The following ANKS1B variants were observed in gnomAD, a reference collection of about 807,000 sequenced individuals.
ANKS1B encodes ankyrin repeat and sterile alpha motif domain-containing protein 1B.
ANKS1B carries 36 observed loss-of-function variants against 148.3 expected under a neutral mutation model. The ratio of observed to expected loss-of-function variants is 0.24; its 90% CI spans 0.19 to 0.32. The LOEUF (loss-of-function observed/expected upper bound fraction) is 0.32. ANKS1B is among the 10% of genes least tolerant of loss of function. ANKS1B has a pLI of 1.00. For synonymous variants in ANKS1B, 542 were observed against 560.8 expected (o/e 0.97, Z 0.47); for missense variants, 1,157 against 1,542.6 (o/e 0.75, Z 4.19).
At chr12:99,270,048 C>A (rs923365457) in intron 12 of ANKS1B, among the ~76,000 whole-genome samples, 1 of 151,790 alleles carries the variant, frequency 6.6e-6, no homozygotes. Context: ...AAAAATTTAA[C>A]AAACAGAGTC....
intron 10 of ANKS1B, among the ~76,000 whole-genome samples, chr12:99,445,449 A>T (rs963727551): frequency 6.6e-6 from 1 of 152,006 alleles, no homozygotes; most frequent in Non-Finnish European, 1.5e-5. Flanking sequence ...ATCATTATAT[A>T]TTTGTCCAAC....
At chr12:98,799,761 G>A (rs182378228) in intron 21 of ANKS1B, among the ~76,000 whole-genome samples, 1 of 152,224 alleles carries the variant, frequency 6.6e-6, no homozygotes, top group Non-Finnish European at 1.5e-5. Flanking sequence ...TAAACAAAAT[G>A]TCTGATTTGC....
chr12:99,572,151 G>T (rs1347178053), intron 9 of ANKS1B, among the ~76,000 whole-genome samples: 6 of 152,020 alleles, frequency 3.9e-5, no homozygotes, highest in Admixed American at 3.9e-4. Context: ...CTCTCTGTAA[G>T]ATGGAGGTCC....
intron 12 of ANKS1B, among the ~76,000 whole-genome samples, chr12:99,348,195 C>T (rs1243700813): frequency 6.6e-6 from 1 of 151,800 alleles, no homozygotes; most frequent in Non-Finnish European, 1.5e-5. Flanking sequence ...CCTCAGCAAC[C>T]TTTGGGATAT....
At chr12:98,976,241 G>C (rs1434985848) in intron 17 of ANKS1B, among the ~76,000 whole-genome samples, 2 of 152,260 alleles carry the variant, frequency 1.3e-5, no homozygotes, top group Non-Finnish European at 2.9e-5. Context: ...GGGGAGATAG[G>C]GTGGACACTG....
chr12:99,377,967 A>C (rs535465845), intron 12 of ANKS1B, among the ~76,000 whole-genome samples: 3 of 152,342 alleles, frequency 2.0e-5, no homozygotes, highest in East Asian at 1.9e-4. Context: ...TATAGATGGA[A>C]TACTCAGGCC....
intron 14 of ANKS1B, among the ~76,000 whole-genome samples, chr12:99,172,780 G>C (rs1388176107): frequency 6.6e-6 from 1 of 152,128 alleles, no homozygotes; most frequent in Non-Finnish European, 1.5e-5. Flanking sequence ...AAAGATGATA[G>C]CTGAGAGGAT....
In ANKS1B at chr12:98,781,149, T is replaced by C; in HGVS notation, c.3409A>G (p.Lys1137Glu). Residue 1137 changes from lysine to glutamate, a missense_variant, in exon 24 of 27, where the codon AAA (lysine) becomes GAA (glutamate). Coordinates refer to ENST00000683438, the MANE Select transcript of ANKS1B (RefSeq NM_001352186.2). ...GTTGCATCAATAAATTTGACTCCTT[T>C]ATATGAGACAGAAAGAATAATAGTA... is the stretch of plus-strand genomic sequence containing the variant. Reference protein sequence around the residue: ...VPTIILSVSYKGVKFIDATNK... With the variant: ...VPTIILSVSYEGVKFIDATNK... The C allele has an allele frequency of 6.3e-7, 1 of 1,584,478 alleles. No individual in the cohort carries two copies. Among genetic ancestry groups the C allele is most frequent in the Non-Finnish European group, 8.6e-7 (1 of 1,163,314 alleles).
rs563812821 is a variant in ANKS1B at position 99,462,751 on chromosome 12, G to A, written c.1439-18942C>T. On this transcript the variant is annotated intron_variant, in intron 10 of 26. Coordinates refer to ENST00000683438, the MANE Select transcript of ANKS1B (RefSeq NM_001352186.2). ...CCACTGTTGGAGATGGGCATACTGG[G>A]AGGTGTTTGCATTATGGGAATGGAT... Among the ~76,000 whole-genome samples the A allele has an allele frequency of 1.0e-3, 153 of 152,284 alleles. 1 individual carries two copies. Among genetic ancestry groups the A allele is most frequent in the Non-Finnish European group, 8.8e-5 (6 of 68,006 alleles).
At chr12:98,991,592 C>T (rs919710567) in intron 17 of ANKS1B, among the ~76,000 whole-genome samples, 1 of 152,152 alleles carries the variant, frequency 6.6e-6, no homozygotes, top group Non-Finnish European at 1.5e-5. Flanking sequence ...TAGTAACTAA[C>T]AGTTTTTCAT....
At chr12:99,724,680 A>G (rs2133879) in intron 8 of ANKS1B, among the ~76,000 whole-genome samples, 66,181 of 151,790 alleles carry the variant, frequency 0.44, 14,824 homozygotes, top group South Asian at 0.61. Context: ...TCCATGAGAC[A>G]ATCAACCCCA....
intron 1 of ANKS1B, among the ~76,000 whole-genome samples, chr12:99,981,913 T>C (rs1433810634): frequency 6.6e-6 from 1 of 152,140 alleles, no homozygotes; most frequent in Non-Finnish European, 1.5e-5. Flanking sequence ...GGGGACACAT[T>C]TTCCATTATC....
chr12:99,703,568 A>C (rs4986686), intron 8 of ANKS1B, among the ~76,000 whole-genome samples: 28,779 of 151,656 alleles, frequency 0.19, 3,212 homozygotes, highest in East Asian at 0.47. Flanking sequence ...CTCCTTATTC[A>C]TGTGTCATAA....
intron 1 of ANKS1B, among the ~76,000 whole-genome samples, chr12:99,890,134 TATAATAG>T (rs1448103773): frequency 6.6e-6 from 1 of 152,190 alleles, no homozygotes; most frequent in East Asian, 1.9e-4. Flanking sequence ...GAGAGATAAT[TATAATAG>T]ATACCGTGAT....
chr12:99,649,358 T>C (rs2153433756), intron 9 of ANKS1B: 1 of 1,614,152 alleles, frequency 6.2e-7, no homozygotes, highest in Non-Finnish European at 8.5e-7. Flanking sequence ...AATGCTGAAA[T>C]GTTTGGGTCC....
chr12:99,210,614 C>T (rs1414320056), intron 14 of ANKS1B, among the ~76,000 whole-genome samples: 6 of 152,196 alleles, frequency 3.9e-5, no homozygotes, highest in African/African-American at 1.4e-4. Context: ...CATGTTTTTA[C>T]TCCCTGCCTT....
At chr12:98,774,461 C>G (rs1242858398) in intron 24 of ANKS1B, among the ~76,000 whole-genome samples, 4 of 152,214 alleles carry the variant, frequency 2.6e-5, no homozygotes, top group African/African-American at 9.6e-5. Context: ...AGCTTGGCTG[C>G]AAACCCTGCT....
rs193051486 is a variant in ANKS1B at position 99,395,289 on chromosome 12, G to A, written c.1756+4342C>T. On this transcript the variant is annotated intron_variant, in intron 12 of 26. Transcript: ENST00000683438. ...ATGTGACTTTTCTTCTGAAAGAACT[G>A]AATAGGCTCTAAGAAAAATCACTCT... Among the ~76,000 whole-genome samples, 13 of 152,250 alleles carry A rather than the reference G, an allele frequency of 8.5e-5. No homozygotes were observed. In the East Asian group the frequency reaches 2.5e-3, roughly 29 times the overall value.
chr12:99,059,391 T>C (rs1205592498), intron 16 of ANKS1B, among the ~76,000 whole-genome samples: 2 of 152,228 alleles, frequency 1.3e-5, no homozygotes, highest in Non-Finnish European at 2.9e-5. Flanking sequence ...TTTCAGTGGC[T>C]TGGTATCCAT....
Sources: gnomAD v4.1 joint callset for allele counts (sites outside exome capture counted in the v4.1 genomes callset) on GRCh38, gnomAD v4.1.1 for gene constraint, MANE v1.5 for transcripts, NCBI Gene and HGNC (gene_info 2026-07-23, HGNC 2026-07-21) for gene names.